Variants in NCAPH observed in about 807,000 individuals in gnomAD.
The protein encoded by NCAPH is condensin complex subunit 2.
In NCAPH, 38 loss-of-function variants were observed where a neutral mutation model predicts 85.5. The observed-to-expected ratio is 0.44, with a 90% confidence interval of 0.34 to 0.58. NCAPH has a LOEUF of 0.58. NCAPH is among the 20% of genes least tolerant of loss of function. The pLI is 0.01. For synonymous variants in NCAPH, 301 were observed against 335.1 expected (o/e 0.90, Z 1.11); for missense variants, 789 against 916.6 (o/e 0.86, Z 1.80).
chr2:96,369,828 G>A (rs1227135792), intron 17 of NCAPH, among the ~76,000 whole-genome samples: 1 of 152,230 alleles, frequency 6.6e-6, no homozygotes, highest in African/African-American at 2.4e-5. Context: ...AAGCCTAGTA[G>A]TACCAAAGTC....
chr2:96,342,463 G>T (rs1045220291), intron 3 of NCAPH, among the ~76,000 whole-genome samples: 7 of 152,188 alleles, frequency 4.6e-5, no homozygotes, highest in Admixed American at 1.3e-4. Context: ...GGAGAATGGG[G>T]GTAGTGCCTG....
At chr2:96,353,447 T>C in intron 8 of NCAPH, 50 bp downstream of exon 8, 8 of 1,522,950 alleles carry the variant, frequency 5.3e-6, no homozygotes, top group Non-Finnish European at 7.3e-6. Context: ...GGCTCAAGAG[T>C]GGTCCTGCCC....
chr2:96,341,405 A>T (rs2064292376), intron 1 of NCAPH: 1 of 519,654 alleles, frequency 1.9e-6, no homozygotes, highest in Admixed American at 3.7e-5. Flanking sequence ...TTAAATTCAC[A>T]TAGCTGCAGA....
Position 96,354,143 on chromosome 2 carries a change from A to G in NCAPH, c.1003-40A>G, listed in dbSNP as rs200853064. The stretch of plus-strand genomic sequence containing the variant: ...CCTCCAGTGGTGATTTGGGGTGGTT[A>G]TAGGAATGAGAATTACAGAACCCTC... On this transcript the variant is annotated intron_variant, in intron 8 of 17. Transcript: ENST00000240423. 2.5e-3 allele frequency: 3,967 copies of G among 1,588,028 alleles called. 6 individuals are homozygous for G. The highest frequency in any genetic ancestry group is 2.7e-3 in the Non-Finnish European group (3,131 of 1,160,726).
In NCAPH at chr2:96,355,791, G is replaced by A. The variant is rs546548622; in HGVS notation, c.1208+1403G>A. Among the ~76,000 whole-genome samples, 51 of 151,828 alleles carry A rather than the reference G, an allele frequency of 3.4e-4. 1 individual carries two copies. Among genetic ancestry groups the A allele is most frequent in the African/African-American group, 1.2e-3 (50 of 41,384 alleles). On this transcript the variant is annotated intron_variant, in intron 9 of 17. Transcript: ENST00000240423. ...CGAGTAGCTGGGACTACAGGCGCCCGCCACCATGCCTGACTAATTTTTTTA... is the reference window on the plus strand; with the variant it reads ...CGAGTAGCTGGGACTACAGGCGCCCACCACCATGCCTGACTAATTTTTTTA...
chr2:96,340,921 C>A (rs967623783), intron 1 of NCAPH, among the ~76,000 whole-genome samples: 2 of 151,446 alleles, frequency 1.3e-5, no homozygotes, highest in Admixed American at 6.6e-5. Context: ...TTCTTATAAA[C>A]CAGAAGTTAA....
chr2:96,369,400 T>C (rs954434913), intron 16 of NCAPH, 25 bp from the exon 17 acceptor site: 1 of 1,604,606 alleles, frequency 6.2e-7, no homozygotes, highest in Non-Finnish European at 8.5e-7. Flanking sequence ...GGCAGTGACC[T>C]AAATACTTGC....
Position 96,369,037 on chromosome 2 carries a change from CG to C in NCAPH, c.2067del (p.Leu690SerfsTer29), listed in dbSNP as rs1558804162. 1 of 1,555,820 alleles carries C rather than the reference CG, an allele frequency of 6.4e-7. No individual in the cohort carries two copies. Among genetic ancestry groups the C allele is most frequent in the Admixed American group, 1.9e-5 (1 of 51,324 alleles). ...AEVADEKMLS[G>X]LTKDLQRSLP... Reference sequence around the variant, plus strand: ...AAGTGGCTGACGAGAAGATGCTTAGCGGGCTCACGAAGGACCTGCAGAGGAG... The same window carrying C: ...AAGTGGCTGACGAGAAGATGCTTAGCGGCTCACGAAGGACCTGCAGAGGAG... On this transcript the variant is annotated frameshift_variant, in exon 16 of 18. Coordinates refer to ENST00000240423, the MANE Select transcript of NCAPH (RefSeq NM_015341.5). LOFTEE classifies it high-confidence loss of function.
intron 12 of NCAPH, among the ~76,000 whole-genome samples, chr2:96,361,749 G>GAT (rs142082869): frequency 0.019 from 1,799 of 95,090 alleles, 18 homozygotes; most frequent in African/African-American, 0.026. Flanking sequence ...AGATTTTAAT[G>GAT]ATATATATAT....
intron 9 of NCAPH, 126 bp downstream of exon 9, chr2:96,354,514 G>T (rs2064496658): frequency 2.6e-6 from 2 of 760,762 alleles, no homozygotes; most frequent in African/African-American, 3.6e-5. Context: ...ATAGAGACGG[G>T]CATCTCACTG....
chr2:96,365,155 A>T (rs539852269), intron 13 of NCAPH, among the ~76,000 whole-genome samples: 17 of 152,274 alleles, frequency 1.1e-4, no homozygotes, highest in South Asian at 6.2e-4. Flanking sequence ...TCTACTGATG[A>T]GATGGCTAAT....
rs751041047 is a variant in NCAPH at position 96,342,788 on chromosome 2, C to T, written c.396C>T (p.His132=). 7.4e-6 allele frequency: 12 copies of T among 1,612,872 alleles called. No homozygotes were observed. Among genetic ancestry groups the T allele is most frequent in the Non-Finnish European group, 1.0e-5 (12 of 1,179,450 alleles). The change falls in exon 4 of 18, where the codon CAC becomes CAT. Residue 132 remains histidine (H), a synonymous_variant. Transcript: ENST00000240423. ...CTACCAAGAATGCTTTTGGTTTGCACTTGATTGATTTTATGTCAGAGATTC... is the reference window on the plus strand; with the variant it reads ...CTACCAAGAATGCTTTTGGTTTGCATTTGATTGATTTTATGTCAGAGATTC... The part of the protein sequence containing the change: ...KITTKNAFGL[H]LIDFMSEILK...
At chr2:96,361,965 A>G (rs13404944) in intron 12 of NCAPH, among the ~76,000 whole-genome samples, 6,622 of 150,168 alleles carry the variant, frequency 0.044, 477 homozygotes, top group African/African-American at 0.15. Flanking sequence ...TGTAACTTTG[A>G]ACTCCTGGAT....
chr2:96,346,662 C>T (rs931662817), intron 6 of NCAPH, among the ~76,000 whole-genome samples: 29 of 151,850 alleles, frequency 1.9e-4, no homozygotes, highest in Non-Finnish European at 3.5e-4. Context: ...TCAAAGACTT[C>T]GTGGTGTTGG....
Position 96,351,865 on chromosome 2 carries a change from T to A in NCAPH, c.755T>A (p.Phe252Tyr). 7 of 1,609,194 alleles carry A rather than the reference T, an allele frequency of 4.3e-6. No individual in the cohort carries two copies. The highest frequency in any genetic ancestry group is 5.9e-6 in the Non-Finnish European group (7 of 1,178,592). Residue 252 changes from phenylalanine (F) to tyrosine (Y), a missense_variant, in exon 7 of 18, where the codon TTT becomes TAT. Physicochemically the swap from Phe to Tyr is conservative, Grantham distance 22 (BLOSUM62 3). Transcript: ENST00000240423. ...ATGTTTCAGAAGACAGCAGCCTCAT[T>A]TGATGAGTGCAGCACAGCAGGGGTG... ...DPMFQKTAASFDECSTAGVFL... is the reference protein window; with the variant it reads ...DPMFQKTAASYDECSTAGVFL...
chr2:96,359,355 T>G (rs2104470793), intron 10 of NCAPH, 162 bp downstream of exon 10: 1 of 780,260 alleles, frequency 1.3e-6, no homozygotes, highest in East Asian at 2.7e-5. Context: ...TCAGTTTGCC[T>G]GGCCTGGGAT....
chr2:96,342,246 T>G, intron 3 of NCAPH, 106 bp downstream of exon 3: 1 of 1,075,884 alleles, frequency 9.3e-7, no homozygotes, highest in Non-Finnish European at 1.4e-6. Flanking sequence ...GATAATTCTC[T>G]GGTGAGTCAT....
chr2:96,353,696 A>AT (rs2064481609), intron 8 of NCAPH, among the ~76,000 whole-genome samples: 1 of 152,108 alleles, frequency 6.6e-6, no homozygotes, highest in African/African-American at 2.4e-5. Context: ...TTACTCTTGA[A>AT]TGTGGTTATC....
intron 1 of NCAPH, among the ~76,000 whole-genome samples, chr2:96,337,209 C>G (rs2064225246): frequency 6.6e-6 from 1 of 152,172 alleles, no homozygotes; most frequent in Non-Finnish European, 1.5e-5. Flanking sequence ...TTAAAGCATG[C>G]CTCTAATTCC....
Sources: gnomAD v4.1 joint callset for allele counts (sites outside exome capture counted in the v4.1 genomes callset) on GRCh38, gnomAD v4.1.1 for gene constraint, MANE v1.5 for transcripts, NCBI Gene and HGNC (gene_info 2026-07-23, HGNC 2026-07-21) for gene names.